Variants in URB1 observed in about 807,000 individuals in gnomAD.
The protein encoded by URB1 is nucleolar pre-ribosomal-associated protein 1.
In URB1, 197 loss-of-function variants were observed where a neutral mutation model predicts 242.3. The observed-to-expected ratio is 0.81, with a 90% confidence interval of 0.72 to 0.91. URB1 has a LOEUF of 0.91. URB1 is among the 40% of genes least tolerant of loss of function. The probability of loss-of-function intolerance (pLI) is 0.00; values close to 1 mark genes in which losing one functional copy is unlikely to be tolerated. For synonymous variants in URB1, 1,153 were observed against 1,201.8 expected, an observed-to-expected ratio of 0.96 and a Z score of 0.84; for missense variants, 2,721 against 2,860.5, an observed-to-expected ratio of 0.95 and a Z score of 1.11.
chr21:32,311,876 C>A lies in URB1; in HGVS notation c.*3042G>T. 6.2e-7 allele frequency: 1 copy of A among 1,614,082 alleles called. No individual in the cohort carries two copies. The highest frequency in any genetic ancestry group is 1.1e-5 in the South Asian group (1 of 91,086). On this transcript the variant is annotated 3_prime_UTR_variant, in exon 39 of 39. Transcript: ENST00000382751. ...AGGAGAGCTCCTCCACCTTGCCCCT[C>A]GGGGGTTTCCAGACCCACCCCACTC... is the stretch of plus-strand genomic sequence containing the variant.
At position 32,341,384 on chromosome 21, in the gene URB1, A is replaced by G. The variant is rs918953213; in HGVS notation, c.4316+82T>C. 26 of 1,371,186 alleles carry G rather than the reference A, an allele frequency of 1.9e-5. No individual in the cohort carries two copies. The African/African-American group carries it at 3.1e-4, about 16-fold the overall frequency. The allele number at this position is 1,371,186 out of a possible 1,614,324, so 84.9% of individuals were successfully genotyped here. On this transcript the variant is annotated intron_variant, in intron 25 of 38. Coordinates refer to ENST00000382751, the MANE Select transcript of URB1 (RefSeq NM_014825.3). ...GCTCCACCACGTGGATTATGCTAAT[A>G]ACAAGCTATAAAAGAGGCTTTGCAT... is the stretch of plus-strand genomic sequence containing the variant.
intron 3 of URB1, 24 bp from the exon 4 acceptor site, chr21:32,383,578 C>A: frequency 1.3e-6 from 2 of 1,545,846 alleles, no homozygotes; most frequent in South Asian, 2.4e-5. Flanking sequence ...CAGAGGAAAT[C>A]GGACACGTCA....
rs1568829155 is a variant in URB1, at chr21:32,372,539, A to G, written c.969T>C (p.Asn323=). Residue 323 remains asparagine (N), a synonymous_variant, in exon 8 of 39, where the codon AAT becomes AAC. Coordinates refer to ENST00000382751, the MANE Select transcript of URB1 (RefSeq NM_014825.3). ...DLCCSLKHGI[N]FYDASLGTFG... ...AGGTACCCAAAGATGCATCGTAAAA[A>G]TTAATTCCATGCTTGAGTGAACAGC... 3 of 1,551,700 alleles carry G rather than the reference A, an allele frequency of 1.9e-6. No homozygotes were observed. The African/African-American group carries it at 4.1e-5, about 21-fold the overall frequency.
chr21:32,333,474 A>G, intron 29 of URB1, 55 bp from the exon 30 acceptor site: 1 of 1,357,082 alleles, frequency 7.4e-7, no homozygotes, highest in Non-Finnish European at 1.0e-6. Context: ...AAGGTAATAC[A>G]GGTTGAGTAT....
intron 8 of URB1, among the ~76,000 whole-genome samples, chr21:32,371,062 T>C (rs1179621767): frequency 6.6e-6 from 1 of 152,152 alleles, no homozygotes; most frequent in African/African-American, 2.4e-5. Flanking sequence ...AAAAGCACAG[T>C]GACAGTGGAG....
chr21:32,311,603 G>A lies in URB1; in HGVS notation c.*3315C>T, dbSNP rs1262886796. On this transcript the variant is annotated 3_prime_UTR_variant, in exon 39 of 39. Transcript: ENST00000382751. ...TGGGGTCCGGGCAGATGGCAGGTGT[G>A]GCAGGAAACCCCCCAGCCCCACAGT... 6.5e-7 allele frequency: 1 copy of A among 1,545,930 alleles called. No homozygotes were observed. Among genetic ancestry groups the A allele is most frequent in the Admixed American group, 1.9e-5 (1 of 51,330 alleles).
chr21:32,362,539 A>G (rs571942182), intron 11 of URB1, among the ~76,000 whole-genome samples: 2 of 152,266 alleles, frequency 1.3e-5, no homozygotes, highest in African/African-American at 4.8e-5. Flanking sequence ...AGAACTATAC[A>G]CAGTAAGGAT....
chr21:32,359,664 TA>T, intron 14 of URB1, 131 bp downstream of exon 14: 2 of 779,352 alleles, frequency 2.6e-6, no homozygotes, highest in Non-Finnish European at 3.8e-6. Flanking sequence ...TGGGTCTCTC[TA>T]AAATGAGAAC....
At chr21:32,349,181 G>A in intron 21 of URB1, 123 bp downstream of exon 21, 1 of 1,309,912 alleles carries the variant, frequency 7.6e-7, no homozygotes, top group African/African-American at 1.5e-5. Flanking sequence ...TATGATCTCT[G>A]CTGTAGTTTC....
Position 32,319,294 on chromosome 21 carries a change from C to T in URB1, c.5715G>A (p.Gln1905=). ...ESQRLCQPSS[Q]EPAKRLALHL... is the part of the protein sequence containing the mutation. ...GCAGGGCAAGCCGCTTGGCAGGCTCCTGGGAGCTAGGCTGGCAAAGGCGCT... is the reference window on the plus strand; with the variant it reads ...GCAGGGCAAGCCGCTTGGCAGGCTCTTGGGAGCTAGGCTGGCAAAGGCGCT... Residue 1905 remains glutamine, a synonymous_variant, in exon 36 of 39, where the codon CAG becomes CAA. Coordinates refer to ENST00000382751, the MANE Select transcript of URB1 (RefSeq NM_014825.3). 1 of 1,551,296 alleles carries T rather than the reference C, an allele frequency of 6.4e-7. No individual in the cohort carries two copies. Among genetic ancestry groups the T allele is most frequent in the Non-Finnish European group, 8.7e-7 (1 of 1,146,784 alleles).
Position 32,345,528 on chromosome 21 carries a change from G to A in URB1, c.3916C>T (p.Leu1306=), listed in dbSNP as rs1159455664. 1 of 1,550,308 alleles carries A rather than the reference G, an allele frequency of 6.5e-7. No homozygotes were observed. The highest frequency in any genetic ancestry group is 2.4e-5 in the East Asian group (1 of 40,850). ...PVLRKTLWRQ[L]QSRLLSTDSP... ...TCAGTGCTAAGAAGCCTGCTCTGTA[G>A]CTGCCTCCACAGGGTCTTCCTCAAG... The change falls in exon 23 of 39, where the codon CTA becomes TTA. Residue 1306 remains leucine, a synonymous_variant. Transcript: ENST00000382751.
Position 32,321,925 on chromosome 21 carries a change from C to T in URB1, c.5360G>A (p.Trp1787Ter), listed in dbSNP as rs2123545565. The T allele has an allele frequency of 3.2e-6, 5 of 1,551,574 alleles. No homozygotes were observed. The South Asian group carries it at 5.9e-5, about 18-fold the overall frequency. ...SDFEQKTEQK[W>*]VFGVLRQGIR... ...CCCCTGCCGCAGAACGCCAAACACC[C>T]ACTTCTGCTCTGTTTTTTGCTATAA... Residue 1787 changes from tryptophan to a stop codon, truncating the protein, a stop_gained, in exon 34 of 39, where the codon TGG (tryptophan) becomes TAG (stop). Transcript: ENST00000382751. LOFTEE classifies it high-confidence loss of function.
At chr21:32,382,746 G>GAA (rs2033540561) in intron 4 of URB1, among the ~76,000 whole-genome samples, 2 of 152,068 alleles carry the variant, frequency 1.3e-5, no homozygotes, top group Non-Finnish European at 2.9e-5. Flanking sequence ...CAGACAACCT[G>GAA]GAGCCAGCAC....
chr21:32,360,260 GC>G (rs2033268661), intron 13 of URB1, among the ~76,000 whole-genome samples: 1 of 152,162 alleles, frequency 6.6e-6, no homozygotes. Flanking sequence ...CAGACAGCAA[GC>G]ATTTTGTGGA....
At chr21:32,332,839 C>T (rs1265423171) in intron 30 of URB1, among the ~76,000 whole-genome samples, 1 of 152,136 alleles carries the variant, frequency 6.6e-6, no homozygotes, top group African/African-American at 2.4e-5. Flanking sequence ...ATGTGCGTTA[C>T]ATGGAAGTGT....
chr21:32,338,916 C>A lies in URB1; in HGVS notation c.4317-16G>T. 6.6e-7 allele frequency: 1 copy of A among 1,519,850 alleles called. No individual in the cohort carries two copies. The highest frequency in any genetic ancestry group is 1.2e-5 in the South Asian group (1 of 81,124). 94.1% of individuals were successfully genotyped at this position (1,519,850 alleles called of 1,614,324 possible). A position where few individuals can be genotyped will look rare whatever the true frequency, so the allele number is the denominator to read the frequency against. ...GTACCGAAATCTAGGCGGCGAGAGT[C>A]AAAGGGAAAAGAGCTTTGCTAAAAG... On this transcript the variant is annotated splice_polypyrimidine_tract_variant and intron_variant, in intron 25 of 38. Coordinates refer to ENST00000382751, the MANE Select transcript of URB1 (RefSeq NM_014825.3).
chr21:32,311,859 T>C lies in URB1; in HGVS notation c.*3059A>G. ...TGACCAGCCGCTACGACAGGAGAGCTCCTCCACCTTGCCCCTCGGGGGTTT... is the reference window on the plus strand; with the variant it reads ...TGACCAGCCGCTACGACAGGAGAGCCCCTCCACCTTGCCCCTCGGGGGTTT... On this transcript the variant is annotated 3_prime_UTR_variant, in exon 39 of 39. Coordinates refer to ENST00000382751, the MANE Select transcript of URB1 (RefSeq NM_014825.3). The C allele has an allele frequency of 6.2e-7, 1 of 1,614,026 alleles. No homozygotes were observed. The highest frequency in any genetic ancestry group is 1.1e-5 in the South Asian group (1 of 91,074).
intron 8 of URB1, among the ~76,000 whole-genome samples, chr21:32,371,001 T>C (rs1445639116): frequency 2.6e-5 from 4 of 151,992 alleles, no homozygotes; most frequent in Admixed American, 6.6e-5. Context: ...AACAAGCAAA[T>C]AAATAAATCA....
At chr21:32,342,544 T>C (rs1568816994) in intron 24 of URB1, among the ~76,000 whole-genome samples, 1 of 152,134 alleles carries the variant, frequency 6.6e-6, no homozygotes, top group Non-Finnish European at 1.5e-5. Flanking sequence ...TGGCTATTCA[T>C]AGGCGCAATC....
Sources: gnomAD v4.1 joint callset for allele counts (sites outside exome capture counted in the v4.1 genomes callset) on GRCh38, gnomAD v4.1.1 for gene constraint, MANE v1.5 for transcripts, NCBI Gene and HGNC (gene_info 2026-07-23, HGNC 2026-07-21) for gene names.